PIWIL3: variants seen among roughly 807,000 people sequenced by gnomAD.
PIWIL3 encodes the protein piwi like RNA-mediated gene silencing 3.
In PIWIL3, 101 loss-of-function variants were observed where a neutral mutation model predicts 109.7. The observed-to-expected ratio is 0.92, with a 90% CI of 0.78 to 1.09. PIWIL3 has a LOEUF of 1.09. PIWIL3 is among the 50% of genes least tolerant of loss of function. PIWIL3 has a pLI of 0.00. For missense variants in PIWIL3, 1,031 were observed against 1,072.6 expected, an observed-to-expected ratio of 0.96 and a Z score of 0.54; for synonymous variants, 373 against 376.4, an observed-to-expected ratio of 0.99 and a Z score of 0.10.
chr22:24,742,764 A>T (rs1924086003), intron 12 of PIWIL3, among the ~76,000 whole-genome samples: 1 of 152,242 alleles, frequency 6.6e-6, no homozygotes, highest in African/African-American at 2.4e-5. Flanking sequence ...TGGATCAAAG[A>T]CTTAAATCTA....
chr22:24,770,812 G>A (rs1926094315), intron 1 of PIWIL3, among the ~76,000 whole-genome samples: 1 of 151,674 alleles, frequency 6.6e-6, no homozygotes, highest in Admixed American at 6.6e-5. Flanking sequence ...TCCAGCTTGG[G>A]TGATGGAGAG....
chr22:24,756,766 T>C lies in PIWIL3; in HGVS notation c.356-61A>G, dbSNP rs577065896. ...ACTGATTGGGCCCAAAACAAACAGT[T>C]TGGACACTACAATATTAAAAGCCAA... On this transcript the variant is annotated intron_variant, in intron 4 of 20. Coordinates refer to ENST00000616349, the MANE Select transcript of PIWIL3 (RefSeq NM_001255975.1). The C allele has an allele frequency of 5.0e-6, 7 of 1,407,418 alleles. No individual in the cohort carries two copies. In the African/African-American group the frequency reaches 5.7e-5, roughly 11 times the overall value. The allele number at this position is 1,407,418 out of a possible 1,614,324, so 87.2% of individuals were successfully genotyped here. A position where few individuals can be genotyped will look rare whatever the true frequency, so the allele number is the denominator to read the frequency against.
At chr22:24,750,483 T>A (rs1313418872) in intron 9 of PIWIL3, among the ~76,000 whole-genome samples, 1 of 78,612 alleles carries the variant, frequency 1.3e-5, no homozygotes, top group Non-Finnish European at 2.8e-5. Context: ...CCACATTTGA[T>A]TTTTTTTCTT....
intron 4 of PIWIL3, among the ~76,000 whole-genome samples, chr22:24,757,615 TACACAC>T (rs139481317): frequency 2.5e-4 from 20 of 79,478 alleles, no homozygotes; most frequent in African/African-American, 4.8e-4. Context: ...AAAATTTACA[TACACAC>T]ACACACACAC....
In PIWIL3 at chr22:24,719,322, C is replaced by T. The variant is rs1922523076; in HGVS notation, c.*150G>A. The T allele has an allele frequency of 1.7e-6, 1 of 578,884 alleles. No homozygotes were observed. The allele number at this position is 578,884 out of a possible 1,614,324, so 35.9% of individuals were successfully genotyped here. A position where few individuals can be genotyped will look rare whatever the true frequency, so the allele number is the denominator to read the frequency against. On this transcript the variant is annotated 3_prime_UTR_variant, in exon 21 of 21. Transcript: ENST00000616349. ...GTCTGTGGTAGTATTGAGAGTAGAACATATCACTCTGAATCTCTCCTGTGT... is the reference window on the plus strand; with the variant it reads ...GTCTGTGGTAGTATTGAGAGTAGAATATATCACTCTGAATCTCTCCTGTGT...
chr22:24,720,260 T>TG (rs2147640018), intron 19 of PIWIL3, among the ~76,000 whole-genome samples: 1 of 13,642 alleles, frequency 7.3e-5, no homozygotes, highest in African/African-American at 4.1e-4. Flanking sequence ...ATTTAAACTG[T>TG]TTTTTTTTTT....
At chr22:24,770,711 T>C (rs1374137177) in intron 1 of PIWIL3, among the ~76,000 whole-genome samples, 2 of 149,616 alleles carry the variant, frequency 1.3e-5, no homozygotes, top group Non-Finnish European at 3.0e-5. Context: ...GGCAGGCACC[T>C]GTAATACCAG....
At chr22:24,731,908 C>T (rs1465318453) in intron 14 of PIWIL3, among the ~76,000 whole-genome samples, 1 of 152,194 alleles carries the variant, frequency 6.6e-6, no homozygotes, top group Admixed American at 6.5e-5. Flanking sequence ...TTCATTTCCT[C>T]TATTTCTGCC....
chr22:24,723,092 A>C lies in PIWIL3; in HGVS notation c.2357+38T>G, dbSNP rs1206572998. ...GTGCTGAACTGAAGGAAATTGAGAA[A>C]ATCATAGAACCATGTGCAAAAAATA... On this transcript the variant is annotated intron_variant, in intron 19 of 20. Transcript: ENST00000616349. 2.5e-6 allele frequency: 4 copies of C among 1,591,300 alleles called. No individual in the cohort carries two copies. In the Admixed American group the frequency reaches 6.8e-5, roughly 27 times the overall value.
rs1479618528 is a variant in PIWIL3 at position 24,756,696 on chromosome 22, C to G, written c.365G>C (p.Gly122Ala). Residue 122 changes from glycine to alanine, a missense_variant, in exon 5 of 21, where the codon GGT (glycine) becomes GCT (alanine). Transcript: ENST00000616349. Reference protein sequence around the residue: ...HVKDSKTGSEGTVVQLLANHF... With the variant: ...HVKDSKTGSEATVVQLLANHF... ...GTTGGCGAGTAGCTGTACCACTGTA[C>G]CCTCTGAACCTGAAAAATGGAGCCA... 1 of 1,612,538 alleles carries G rather than the reference C, an allele frequency of 6.2e-7. No individual in the cohort carries two copies. Among genetic ancestry groups the G allele is most frequent in the Non-Finnish European group, 8.5e-7 (1 of 1,178,978 alleles).
At chr22:24,756,259 G>C (rs1438914139) in intron 5 of PIWIL3, among the ~76,000 whole-genome samples, 1 of 152,000 alleles carries the variant, frequency 6.6e-6, no homozygotes, top group Admixed American at 6.6e-5. Context: ...AACTTTGTCA[G>C]CATTTTTGAG....
chr22:24,757,815 G>A, intron 4 of PIWIL3, 93 bp downstream of exon 4: 5 of 1,414,924 alleles, frequency 3.5e-6, no homozygotes, highest in Non-Finnish European at 4.7e-6. Context: ...TCCAGCCTGG[G>A]CGACAGAGCA....
In PIWIL3 at chr22:24,748,925, G is replaced by C. The variant is rs201406937; in HGVS notation, c.1431C>G (p.Ile477Met). 1.2e-6 allele frequency: 2 copies of C among 1,611,746 alleles called. No homozygotes were observed. The highest frequency in any genetic ancestry group is 1.7e-6 in the Non-Finnish European group (2 of 1,178,678). The change falls in exon 12 of 21, where the codon ATC (isoleucine) becomes ATG (methionine). Residue 477 changes from isoleucine (I) to methionine (M), a missense_variant. Coordinates refer to ENST00000616349, the MANE Select transcript of PIWIL3 (RefSeq NM_001255975.1). ...VPGRVLKNANIVQGRRMVKAN... is the reference protein window; with the variant it reads ...VPGRVLKNANMVQGRRMVKAN... ...GTCTTACCATTCTTCTGCCTTGCAC[G>C]ATGTTTGCGTTTTTCAAAACTCTTC...
intron 12 of PIWIL3, among the ~76,000 whole-genome samples, chr22:24,739,771 C>T (rs1923871396): frequency 6.6e-6 from 1 of 152,072 alleles, no homozygotes; most frequent in South Asian, 2.1e-4. Flanking sequence ...GGTAATAGGG[C>T]CGGGGGCGGT....
intron 8 of PIWIL3, among the ~76,000 whole-genome samples, chr22:24,753,589 T>C (rs1163451574): frequency 1.3e-5 from 2 of 152,214 alleles, no homozygotes. Context: ...TAAGGTTGTG[T>C]TGGCTAAGTA....
At chr22:24,744,674 G>C (rs1601837185) in intron 12 of PIWIL3, among the ~76,000 whole-genome samples, 1 of 152,128 alleles carries the variant, frequency 6.6e-6, no homozygotes, top group Non-Finnish European at 1.5e-5. Context: ...CAATAAAGTG[G>C]TCAATTCAGC....
intron 12 of PIWIL3, 105 bp downstream of exon 12, chr22:24,748,802 A>G (rs1924523848): frequency 2.4e-6 from 2 of 840,246 alleles, no homozygotes; most frequent in Admixed American, 2.9e-5. Context: ...AGCAGTCTGA[A>G]AAAAGAACAG....
At chr22:24,735,960 C>T (rs937605463) in intron 12 of PIWIL3, 68 bp from the exon 13 acceptor site, 101 of 1,279,912 alleles carry the variant, frequency 7.9e-5, no homozygotes, top group Non-Finnish European at 8.1e-5. Flanking sequence ...AGATCCTGTA[C>T]GCTGTAAATC....
At chr22:24,734,460 G>T (rs1923536544) in intron 13 of PIWIL3, among the ~76,000 whole-genome samples, 1 of 152,166 alleles carries the variant, frequency 6.6e-6, no homozygotes, top group South Asian at 2.1e-4. Context: ...CTCCAATATT[G>T]AAGAGACAAA....
Sources: allele counts gnomAD v4.1 joint callset (sites outside exome capture counted in the v4.1 genomes callset), GRCh38; gene constraint gnomAD v4.1.1; transcripts MANE v1.5; gene names NCBI Gene and HGNC (gene_info 2026-07-23, HGNC 2026-07-21).